The following CTCF variants were observed in gnomAD, a reference collection of about 807,000 sequenced individuals.
CTCF encodes transcriptional repressor CTCF.
In CTCF, 7 loss-of-function variants were observed where a neutral mutation model predicts 72.3. The ratio of observed to expected loss-of-function variants is 0.10; its 90% CI spans 0.06 to 0.18. The LOEUF (loss-of-function observed/expected upper bound fraction) is 0.18, where lower values mean the gene tolerates loss of function less well. CTCF is among the 10% of genes least tolerant of loss of function. CTCF has a pLI of 1.00. For missense variants in CTCF, 516 were observed against 949.1 expected, an observed-to-expected ratio of 0.54 and a Z score of 6.00; for synonymous variants, 374 against 315.8, an observed-to-expected ratio of 1.18 and a Z score of -1.95.
intron 7 of CTCF, among the ~76,000 whole-genome samples, chr16:67,625,548 C>T (rs2052271757): frequency 6.6e-6 from 1 of 152,168 alleles, no homozygotes; most frequent in African/African-American, 2.4e-5. Context: ...TTTAATTCTA[C>T]TTTTTGCCTT....
intron 2 of CTCF, among the ~76,000 whole-genome samples, chr16:67,609,554 CT>C (rs1034939332): frequency 1.3e-5 from 2 of 151,568 alleles, no homozygotes; most frequent in East Asian, 1.9e-4. Context: ...ATTACTGTCT[CT>C]TTAAGACTCT....
At chr16:67,589,474 T>C (rs897530462) in intron 2 of CTCF, among the ~76,000 whole-genome samples, 4 of 152,188 alleles carry the variant, frequency 2.6e-5, no homozygotes, top group Non-Finnish European at 5.9e-5. Flanking sequence ...TCATTTGATA[T>C]CCAGCTGTAG....
At chr16:67,588,360 TGAAAA>T (rs1337082919) in intron 2 of CTCF, among the ~76,000 whole-genome samples, 2 of 152,184 alleles carry the variant, frequency 1.3e-5, no homozygotes, top group African/African-American at 4.8e-5. Flanking sequence ...TTCCAAGTGA[TGAAAA>T]GACTGTAGGG....
At chr16:67,593,970 A>G (rs946142724) in intron 2 of CTCF, among the ~76,000 whole-genome samples, 1 of 152,200 alleles carries the variant, frequency 6.6e-6, no homozygotes, top group African/African-American at 2.4e-5. Context: ...TTTGCTATGT[A>G]GTCATAATCA....
intron 2 of CTCF, among the ~76,000 whole-genome samples, chr16:67,575,635 G>C (rs1325583514): frequency 1.3e-5 from 2 of 151,880 alleles, no homozygotes; most frequent in Non-Finnish European, 2.9e-5. Context: ...TAGAGACGGG[G>C]TTTCACCATA....
chr16:67,621,697 A>G lies in CTCF; in HGVS notation c.1357+106A>G, dbSNP rs2052200702. ...CACCTTCTGACTCTCATAACATTTTATGTATAGGAATGGCCTGTCACTTAG... is the reference window on the plus strand; with the variant it reads ...CACCTTCTGACTCTCATAACATTTTGTGTATAGGAATGGCCTGTCACTTAG... On this transcript the variant is annotated intron_variant, in intron 7 of 11. Coordinates refer to ENST00000264010, the MANE Select transcript of CTCF (RefSeq NM_006565.4). The G allele has an allele frequency of 7.5e-6, 5 of 667,006 alleles. 1 individual carries two copies. The Middle Eastern group carries it at 9.0e-4, about 120-fold the overall frequency. 41.3% of individuals were successfully genotyped at this position (667,006 alleles called of 1,614,324 possible).
At chr16:67,584,991 ATG>A (rs1241626024) in intron 2 of CTCF, among the ~76,000 whole-genome samples, 1 of 152,190 alleles carries the variant, frequency 6.6e-6, no homozygotes, top group Non-Finnish European at 1.5e-5. Context: ...TAGAAAAACA[ATG>A]TAGAGGCTGT....
intron 9 of CTCF, 91 bp from the exon 10 acceptor site, chr16:67,629,307 G>C (rs2052331779): frequency 7.9e-7 from 1 of 1,260,678 alleles, no homozygotes; most frequent in Non-Finnish European, 1.1e-6. Flanking sequence ...AGAATTTTTA[G>C]GCTTAATATG....
chr16:67,565,673 CAAAAAAAAA>C (rs201956341), intron 1 of CTCF, among the ~76,000 whole-genome samples: 3 of 62,108 alleles, frequency 4.8e-5, no homozygotes, highest in African/African-American at 5.3e-5. Context: ...ACTCTTATCT[CAAAAAAAAA>C]AAAAAAAAAA....
intron 2 of CTCF, among the ~76,000 whole-genome samples, chr16:67,598,005 C>T (rs1419008293): frequency 2.0e-5 from 3 of 151,936 alleles, no homozygotes; most frequent in East Asian, 1.9e-4. Flanking sequence ...TAGACCATGT[C>T]TCACTTTATT....
chr16:67,622,679 C>T (rs1397315608), intron 7 of CTCF, among the ~76,000 whole-genome samples: 4 of 145,480 alleles, frequency 2.7e-5, no homozygotes, highest in Non-Finnish European at 4.5e-5. Flanking sequence ...GTTTTCCTCT[C>T]GTCACCCAGG....
chr16:67,573,206 C>G (rs1052169038), intron 2 of CTCF, among the ~76,000 whole-genome samples: 1 of 151,548 alleles, frequency 6.6e-6, no homozygotes, highest in Admixed American at 6.6e-5. Flanking sequence ...GAGTTGAAAT[C>G]ACTGCACTCC....
intron 10 of CTCF, among the ~76,000 whole-genome samples, chr16:67,631,176 T>TTTTTTTTTTTTTG (rs2052360118): frequency 6.7e-6 from 1 of 148,536 alleles, no homozygotes; most frequent in African/African-American, 2.5e-5. Context: ...TTTTTTGTTT[T>TTTTTTTTTTTTTG]TTTTTTGAGA....
intron 8 of CTCF, chr16:67,627,223 G>C (rs1454629032): frequency 6.6e-6 from 1 of 152,216 alleles, no homozygotes; most frequent in African/African-American, 2.4e-5. Flanking sequence ...GGGCGCGGTG[G>C]CTCGAGCGCC....
At position 67,633,781 on chromosome 16, in the gene CTCF, GACAC is replaced by G. The variant is rs10587869; in HGVS notation, c.1838-2878_1838-2875del. On this transcript the variant is annotated intron_variant, in intron 10 of 11. Coordinates refer to ENST00000264010, the MANE Select transcript of CTCF (RefSeq NM_006565.4). Reference sequence around the variant, plus strand: ...AAAAAGAATTTCCGTCTTGTCCCCTGACACACACACACACACACACACACACACA... The same window carrying G: ...AAAAAGAATTTCCGTCTTGTCCCCTGACACACACACACACACACACACACA... Among the ~76,000 whole-genome samples the G allele has an allele frequency of 6.3e-3, 898 of 143,140 alleles. 10 individuals are homozygous for G. The highest frequency in any genetic ancestry group is 0.022 in the South Asian group (100 of 4,448). 93.9% of individuals were successfully genotyped at this position (143,140 alleles called of 152,430 possible).
intron 2 of CTCF, among the ~76,000 whole-genome samples, chr16:67,579,209 C>T (rs922713668): frequency 1.3e-5 from 2 of 150,928 alleles, no homozygotes; most frequent in South Asian, 2.1e-4. Context: ...GAGCCGAGAT[C>T]GCCATTGCAC....
Position 67,637,944 on chromosome 16 carries a change from CTTCT to C in CTCF, c.*79_*82del. On this transcript the variant is annotated 3_prime_UTR_variant, in exon 12 of 12. Coordinates refer to ENST00000264010, the MANE Select transcript of CTCF (RefSeq NM_006565.4). The stretch of plus-strand genomic sequence containing the variant: ...ACGGCCCGCATCTTAATTTTTCTCC[CTTCT>C]TTCTTTTTTTGGCTTTGGGAAAAGC... The C allele has an allele frequency of 2.3e-6, 3 of 1,331,140 alleles. No homozygotes were observed. The highest frequency in any genetic ancestry group is 3.0e-6 in the Non-Finnish European group (3 of 997,312). The allele number at this position is 1,331,140 out of a possible 1,614,324, so 82.5% of individuals were successfully genotyped here. A position where few individuals can be genotyped will look rare whatever the true frequency, so the allele number is the denominator to read the frequency against.
At chr16:67,570,281 C>T (rs367794018) in intron 1 of CTCF, among the ~76,000 whole-genome samples, 1 of 151,612 alleles carries the variant, frequency 6.6e-6, no homozygotes. Flanking sequence ...CGGGGTCTCA[C>T]GTGTTAGCCA....
Position 67,628,539 on chromosome 16 carries a change from C to T in CTCF, c.1688C>T (p.Thr563Ile). The T allele has an allele frequency of 6.2e-7, 1 of 1,614,060 alleles. No homozygotes were observed. Among genetic ancestry groups the T allele is most frequent in the Non-Finnish European group, 8.5e-7 (1 of 1,179,910 alleles). ...AAFVCSKCGK[T>I]FTRRNTMARH... is the part of the protein sequence containing the mutation. ...TTTGTCTGTTCTAAGTGTGGGAAAA[C>T]ATTTACACGTCGGGTAAGGGTCAGA... The change falls in exon 9 of 12, where the codon ACA becomes ATA. Residue 563 changes from threonine (T) to isoleucine (I), a missense_variant. Coordinates refer to ENST00000264010, the MANE Select transcript of CTCF (RefSeq NM_006565.4).
Sources: allele counts gnomAD v4.1 joint callset (sites outside exome capture counted in the v4.1 genomes callset), GRCh38; gene constraint gnomAD v4.1.1; transcripts MANE v1.5; gene names NCBI Gene and HGNC (gene_info 2026-07-23, HGNC 2026-07-21).